CACNG3: variants seen among roughly 807,000 people sequenced by gnomAD.
CACNG3 encodes voltage-dependent calcium channel gamma-3 subunit.
Under a neutral mutation model 28.5 loss-of-function variants are expected in CACNG3, and 3 were observed. The observed-to-expected ratio is 0.11, with a 90% CI of 0.05 to 0.27. CACNG3 has a LOEUF of 0.27. Among genes scored for constraint, CACNG3 ranks in the 10% least tolerant of loss-of-function variants. The pLI, the probability that CACNG3 is intolerant of heterozygous loss-of-function variation, is 1.00. For synonymous variants in CACNG3, 174 were observed against 162.2 expected (o/e 1.07, Z -0.55); for missense variants, 236 against 414.4 (o/e 0.57, Z 3.74).
chr16:24,294,410 T>C (rs553092084), intron 1 of CACNG3, among the ~76,000 whole-genome samples: 5 of 152,084 alleles, frequency 3.3e-5, no homozygotes, highest in African/African-American at 1.2e-4. Flanking sequence ...GAGAAATCTG[T>C]CTGTTCTGAT....
At chr16:24,332,242 A>G (rs551836198) in intron 1 of CACNG3, among the ~76,000 whole-genome samples, 1 of 152,272 alleles carries the variant, frequency 6.6e-6, no homozygotes, top group South Asian at 2.1e-4. Context: ...GTGGCAGACC[A>G]ATTGAGGCCA....
intron 1 of CACNG3, among the ~76,000 whole-genome samples, chr16:24,335,915 A>G (rs1446692629): frequency 8.5e-6 from 1 of 117,812 alleles, no homozygotes; most frequent in African/African-American, 3.2e-5. Context: ...TCTCTACTAA[A>G]AATACCAAAA....
chr16:24,346,884 C>T, intron 2 of CACNG3, 67 bp downstream of exon 2: 2 of 1,251,520 alleles, frequency 1.6e-6, no homozygotes, highest in Non-Finnish European at 1.2e-6. Flanking sequence ...ACTCAGCTGC[C>T]TCTGAGTCGG....
chr16:24,263,069 C>T lies in CACNG3; in HGVS notation c.211+6104C>T, dbSNP rs550005861. On this transcript the variant is annotated intron_variant, in intron 1 of 3. Transcript: ENST00000005284. The stretch of plus-strand genomic sequence containing the variant: ...ACTTTGATTGACTCAGCTTTTAGTA[C>T]AGATTGAGGCCTGGTTGCTACAAAG... Among the ~76,000 whole-genome samples, 8 of 152,248 alleles carry T rather than the reference C, an allele frequency of 5.3e-5. No homozygotes were observed. In the East Asian group the frequency reaches 1.2e-3, roughly 22 times the overall value.
At chr16:24,289,635 CACTCTGAGAGAT>C (rs1391287252) in intron 1 of CACNG3, among the ~76,000 whole-genome samples, 1 of 152,172 alleles carries the variant, frequency 6.6e-6, no homozygotes, top group Non-Finnish European at 1.5e-5. Context: ...CTACAGGGTT[CACTCTGAGAGAT>C]GCTCTGGGGT....
intron 1 of CACNG3, among the ~76,000 whole-genome samples, chr16:24,309,843 C>G (rs1006464519): frequency 6.6e-6 from 1 of 152,016 alleles, no homozygotes. Flanking sequence ...TAGTAAGGAG[C>G]CTGGGTGTGA....
chr16:24,321,596 C>T (rs1230595315), intron 1 of CACNG3, among the ~76,000 whole-genome samples: 1 of 152,170 alleles, frequency 6.6e-6, no homozygotes, highest in African/African-American at 2.4e-5. Flanking sequence ...TTATGCTTGC[C>T]ATTCCAATAC....
chr16:24,351,661 C>CGAAAGAAA (rs146309041), intron 2 of CACNG3, among the ~76,000 whole-genome samples: 4,409 of 110,988 alleles, frequency 0.04, 346 homozygotes, highest in East Asian at 0.22. Flanking sequence ...GAAAGACAGA[C>CGAAAGAAA]GAAAGAAAGA....
At chr16:24,268,529 T>A (rs1898644234) in intron 1 of CACNG3, among the ~76,000 whole-genome samples, 1 of 152,236 alleles carries the variant, frequency 6.6e-6, no homozygotes, top group Admixed American at 6.5e-5. Context: ...ATTCACCCAG[T>A]GTCTGCCAAT....
At chr16:24,346,596 C>T (rs1043881996) in intron 1 of CACNG3, 138 bp from the exon 2 acceptor site, 3 of 626,020 alleles carry the variant, frequency 4.8e-6, no homozygotes, top group Admixed American at 2.8e-5. Flanking sequence ...AATAAAGGTG[C>T]TCTTGGGCCT....
At chr16:24,317,625 A>ATGCTGAACCTC (rs1899383675) in intron 1 of CACNG3, among the ~76,000 whole-genome samples, 1 of 48,620 alleles carries the variant, frequency 2.1e-5, no homozygotes, top group Non-Finnish European at 4.2e-5. Flanking sequence ...AAAGAAAGAA[A>ATGCTGAACCTC]GACAGACAGA....
intron 1 of CACNG3, among the ~76,000 whole-genome samples, chr16:24,312,955 GAGAAAGAAAGA>G (rs1254908788): frequency 3.6e-5 from 4 of 110,806 alleles, no homozygotes; most frequent in Non-Finnish European, 5.4e-5. Flanking sequence ...AAGAAAGAAA[GAGAAAGAAAGA>G]AAAGAAAGAA....
rs527720496 is a variant in CACNG3, at chr16:24,358,031, G to A, written c.436+3058G>A. Among the ~76,000 whole-genome samples, 7 of 152,290 alleles carry A rather than the reference G, an allele frequency of 4.6e-5. No homozygotes were observed. In the South Asian group the frequency reaches 1.2e-3, roughly 27 times the overall value. ...AGACCCTTCCACTGATCTCCCCAAA[G>A]AACCCGAAGATCTTGTTTTTCCACC... is the stretch of plus-strand genomic sequence containing the variant. On this transcript the variant is annotated intron_variant, in intron 3 of 3. Coordinates refer to ENST00000005284, the MANE Select transcript of CACNG3 (RefSeq NM_006539.4).
At chr16:24,287,039 T>C (rs1898903869) in intron 1 of CACNG3, among the ~76,000 whole-genome samples, 1 of 152,176 alleles carries the variant, frequency 6.6e-6, no homozygotes, top group Non-Finnish European at 1.5e-5. Flanking sequence ...ACACAATGGA[T>C]GGGATGGCAT....
intron 1 of CACNG3, among the ~76,000 whole-genome samples, chr16:24,342,441 C>T (rs1899804312): frequency 6.6e-6 from 1 of 152,158 alleles, no homozygotes; most frequent in African/African-American, 2.4e-5. Context: ...TTTAGAAACA[C>T]CAGCCTAGAT....
intron 1 of CACNG3, among the ~76,000 whole-genome samples, chr16:24,264,545 G>A (rs1389919302): frequency 6.6e-6 from 1 of 152,198 alleles, no homozygotes; most frequent in African/African-American, 2.4e-5. Flanking sequence ...GCTACACAGA[G>A]CGCCTGGCAA....
At chr16:24,269,468 T>C (rs1898655624) in intron 1 of CACNG3, among the ~76,000 whole-genome samples, 1 of 152,104 alleles carries the variant, frequency 6.6e-6, no homozygotes, top group Non-Finnish European at 1.5e-5. Flanking sequence ...CTTGAAAATC[T>C]CAGCCGAGTG....
At chr16:24,293,880 G>A (rs1057294688) in intron 1 of CACNG3, among the ~76,000 whole-genome samples, 3 of 152,056 alleles carry the variant, frequency 2.0e-5, no homozygotes, top group East Asian at 1.9e-4. Context: ...ATCTGGTTTC[G>A]GGATTCATAT....
chr16:24,312,988 AAAG>A (rs1417803042), intron 1 of CACNG3, among the ~76,000 whole-genome samples: 2 of 140,276 alleles, frequency 1.4e-5, no homozygotes, highest in Non-Finnish European at 3.1e-5. Flanking sequence ...GAAATAAAAG[AAAG>A]AAAGAAAGAA....
Sources: gnomAD v4.1 joint callset for allele counts (sites outside exome capture counted in the v4.1 genomes callset) on GRCh38, gnomAD v4.1.1 for gene constraint, MANE v1.5 for transcripts, NCBI Gene and HGNC (gene_info 2026-07-23, HGNC 2026-07-21) for gene names.